PDZD8: variants seen among roughly 807,000 people sequenced by gnomAD.
The protein encoded by PDZD8 is PDZ domain containing 8.
PDZD8 carries 14 observed loss-of-function variants against 85.8 expected under a neutral mutation model. That is an observed-to-expected ratio of 0.16 (90% CI 0.11 to 0.26). The LOEUF (loss-of-function observed/expected upper bound fraction) is 0.26. Among genes scored for constraint, PDZD8 ranks in the 10% least tolerant of loss-of-function variants. The pLI is 1.00. For missense variants in PDZD8, 1,197 were observed against 1,424.3 expected (o/e 0.84, Z 2.57); for synonymous variants, 592 against 568.6 (o/e 1.04, Z -0.59).
chr10:117,373,138 C>T (rs545976626), intron 1 of PDZD8, among the ~76,000 whole-genome samples: 31 of 152,146 alleles, frequency 2.0e-4, no homozygotes, highest in Non-Finnish European at 3.2e-4. Context: ...CACTCCACCT[C>T]TAGCCCTAAA....
intron 2 of PDZD8, among the ~76,000 whole-genome samples, chr10:117,334,703 A>C (rs981184198): frequency 2.6e-5 from 4 of 152,198 alleles, no homozygotes; most frequent in African/African-American, 9.6e-5. Flanking sequence ...TACAAAACAG[A>C]AATTCTAGAG....
intron 3 of PDZD8, 75 bp downstream of exon 3, chr10:117,318,797 T>A: frequency 9.2e-7 from 1 of 1,086,274 alleles, no homozygotes. Flanking sequence ...ACTCTAGGAA[T>A]ACAGAAATAG....
intron 1 of PDZD8, among the ~76,000 whole-genome samples, chr10:117,341,475 A>G (rs887053615): frequency 4.6e-5 from 7 of 152,178 alleles, no homozygotes; most frequent in Non-Finnish European, 8.8e-5. Context: ...GAAATAATAT[A>G]CAGTCCCCTT....
rs536467758 is a variant in PDZD8, at chr10:117,371,088, C to A, written c.872+3268G>T. The stretch of plus-strand genomic sequence containing the variant: ...GATGAACACTAGCTAGTTTAATTTT[C>A]CCTGTGAGAAGTATGCTATATCTTA... On this transcript the variant is annotated intron_variant, in intron 1 of 4. Transcript: ENST00000334464. Among the ~76,000 whole-genome samples, 7 of 152,298 alleles carry A rather than the reference C, an allele frequency of 4.6e-5. No homozygotes were observed. The South Asian group carries it at 8.3e-4, about 18-fold the overall frequency.
chr10:117,296,156 A>G (rs1843755926), intron 3 of PDZD8, among the ~76,000 whole-genome samples: 2 of 150,626 alleles, frequency 1.3e-5, no homozygotes, highest in South Asian at 2.1e-4. Context: ...CAAAAGTCAA[A>G]TGAGTGTCTC....
intron 2 of PDZD8, among the ~76,000 whole-genome samples, chr10:117,330,941 T>C (rs1416440894): frequency 6.6e-6 from 1 of 152,224 alleles, no homozygotes; most frequent in East Asian, 1.9e-4. Context: ...ATCCATCTAG[T>C]TTCCTGAATC....
At position 117,375,012 on chromosome 10, in the gene PDZD8, C is replaced by T; in HGVS notation, c.216G>A (p.Ala72=). Residue 72 remains alanine, a synonymous_variant, in exon 1 of 5, where the codon GCG becomes GCA. Transcript: ENST00000334464. ...GGGRDEEPSG[A]APEGGATPTA... ...TGGGGGTCGCGCCGCCCTCAGGGGC[C>T]GCTCCGGAGGGCTCCTCATCCCGGC... 1 of 1,587,088 alleles carries T rather than the reference C, an allele frequency of 6.3e-7. No homozygotes were observed. The highest frequency in any genetic ancestry group is 8.6e-7 in the Non-Finnish European group (1 of 1,167,082).
intron 3 of PDZD8, among the ~76,000 whole-genome samples, chr10:117,295,097 G>A (rs1843732341): frequency 6.6e-6 from 1 of 151,996 alleles, no homozygotes; most frequent in Non-Finnish European, 1.5e-5. Context: ...ATTGAGCCAT[G>A]ACTGCACCAC....
At chr10:117,346,217 G>C (rs1387417813) in intron 1 of PDZD8, among the ~76,000 whole-genome samples, 1 of 131,676 alleles carries the variant, frequency 7.6e-6, no homozygotes, top group African/African-American at 2.8e-5. Context: ...TAGGCAACAA[G>C]AGCGAAACTC....
chr10:117,333,383 CA>C (rs1371409671), intron 2 of PDZD8, among the ~76,000 whole-genome samples: 6 of 152,070 alleles, frequency 3.9e-5, no homozygotes, highest in African/African-American at 1.4e-4. Flanking sequence ...TTTGTAGAGC[CA>C]TGCCCCAAAT....
In PDZD8 at chr10:117,341,085, G is replaced by A. The variant is rs62641700; in HGVS notation, c.890C>T (p.Pro297Leu). The A allele has an allele frequency of 6.8e-6, 11 of 1,613,022 alleles. No homozygotes were observed. In the African/African-American group the frequency reaches 9.4e-5, roughly 14 times the overall value. Residue 297 changes from proline (P) to leucine (L), a missense_variant, in exon 2 of 5, where the codon CCA becomes CTA. Pro to Leu is a moderately conservative substitution (Grantham distance 98). Transcript: ENST00000334464. ...NYKIRFKPFF[P>L]YQTLQGFEED... ...TTCAAATCCTTGCAAGGTCTGGTAT[G>A]GAAAAAACGGCTTAAACCTGACAAA...
In PDZD8 at chr10:117,278,612, C is replaced by G. The variant is rs1844534194; in HGVS notation, c.*4656G>C. The G allele has an allele frequency of 6.6e-6, 1 of 152,108 alleles. No homozygotes were observed. Among genetic ancestry groups the G allele is most frequent in the South Asian group, 2.1e-4 (1 of 4,836 alleles). The allele number at this position is 152,108 out of a possible 1,614,324, so 9.4% of individuals were successfully genotyped here. ...AATCCTGCAGTTCTATAATCATAAA[C>G]AAAAATTACTTAGTTTCGTTAAGCT... On this transcript the variant is annotated 3_prime_UTR_variant, in exon 5 of 5. Coordinates refer to ENST00000334464, the MANE Select transcript of PDZD8 (RefSeq NM_173791.5).
At chr10:117,345,708 C>G (rs188999197) in intron 1 of PDZD8, among the ~76,000 whole-genome samples, 97 of 151,926 alleles carry the variant, frequency 6.4e-4, no homozygotes, top group African/African-American at 2.3e-3. Context: ...ACAAAACAAA[C>G]AAACAAAAAA....
rs1210613131 is a variant in PDZD8 at position 117,284,736 on chromosome 10, G to T, written c.1997C>A (p.Ser666Tyr). 3.7e-6 allele frequency: 6 copies of T among 1,614,212 alleles called. No individual in the cohort carries two copies. Among genetic ancestry groups the T allele is most frequent in the Non-Finnish European group, 5.1e-6 (6 of 1,180,014 alleles). The change falls in exon 5 of 5, where the codon TCC becomes TAC. Residue 666 changes from serine to tyrosine, a missense_variant. Ser to Tyr is a moderately radical substitution (Grantham distance 144). Coordinates refer to ENST00000334464, the MANE Select transcript of PDZD8 (RefSeq NM_173791.5). ...GTCCGAACTGTCCTTAGTAGGGCAG[G>T]AAGTTTCTGAAGTGACATCTTTGGC... ...EVAKDVTSET[S>Y]CPTKDSSDDR... is the part of the protein sequence containing the mutation.
At chr10:117,342,498 G>C (rs1367987250) in intron 1 of PDZD8, among the ~76,000 whole-genome samples, 1 of 151,596 alleles carries the variant, frequency 6.6e-6, no homozygotes, top group Non-Finnish European at 1.5e-5. Flanking sequence ...TTTTTCTTGA[G>C]ACACAGTCTT....
At chr10:117,351,159 ACT>A (rs1844799395) in intron 1 of PDZD8, among the ~76,000 whole-genome samples, 1 of 152,158 alleles carries the variant, frequency 6.6e-6, no homozygotes, top group Non-Finnish European at 1.5e-5. Flanking sequence ...CCACCCTATG[ACT>A]CTGCAATCCT....
At chr10:117,290,863 CCTT>C in intron 3 of PDZD8, among the ~76,000 whole-genome samples, 1 of 114,876 alleles carries the variant, frequency 8.7e-6, no homozygotes, top group South Asian at 3.5e-4. Flanking sequence ...TATGGTGTAT[CCTT>C]TTTTTTTTTT....
At position 117,341,157 on chromosome 10, in the gene PDZD8, A is replaced by C. The variant is rs1337562617; in HGVS notation, c.873-55T>G. 5.1e-6 allele frequency: 8 copies of C among 1,570,806 alleles called. No individual in the cohort carries two copies. In the Admixed American group the frequency reaches 5.1e-5, roughly 10 times the overall value. On this transcript the variant is annotated intron_variant, in intron 1 of 4. Transcript: ENST00000334464. ...CTGAATAATAAACACCACAGTTTAA[A>C]GCATAACAAAACTCACCTGTACAAA...
chr10:117,360,817 T>C (rs554294959), intron 1 of PDZD8, among the ~76,000 whole-genome samples: 1 of 151,780 alleles, frequency 6.6e-6, no homozygotes, highest in Non-Finnish European at 1.5e-5. Context: ...GCAACAGAGG[T>C]GGCTCCTTTA....
Sources: allele counts gnomAD v4.1 joint callset (sites outside exome capture counted in the v4.1 genomes callset), GRCh38; gene constraint gnomAD v4.1.1; transcripts MANE v1.5; gene names NCBI Gene and HGNC (gene_info 2026-07-23, HGNC 2026-07-21).